NR2C2: variants seen among roughly 807,000 people sequenced by gnomAD.
The protein encoded by NR2C2 is Nuclear hormone receptor TR4.
In NR2C2, 6 loss-of-function variants were observed where a neutral mutation model predicts 62.9. The observed-to-expected ratio is 0.10, with a 90% CI of 0.05 to 0.19. The LOEUF is 0.19. NR2C2 is among the 10% of genes least tolerant of loss of function. NR2C2 has a pLI of 1.00. For synonymous variants in NR2C2, 272 were observed against 273.8 expected (o/e 0.99, Z 0.07); for missense variants, 479 against 762.7 (o/e 0.63, Z 4.38).
chr3:14,952,481 T>C (rs1306672008), intron 1 of NR2C2, among the ~76,000 whole-genome samples: 4 of 152,168 alleles, frequency 2.6e-5, no homozygotes, highest in Admixed American at 6.5e-5. Context: ...GGGGAGTCCG[T>C]GAAGGAATCT....
chr3:14,974,890 C>G (rs1380584371), intron 1 of NR2C2, among the ~76,000 whole-genome samples: 4 of 152,156 alleles, frequency 2.6e-5, no homozygotes, highest in African/African-American at 9.7e-5. Flanking sequence ...AGGTGTGAGC[C>G]TCTGCGTCCA....
chr3:14,948,326 C>A (rs554977975), intron 1 of NR2C2: 2 of 152,346 alleles, frequency 1.3e-5, no homozygotes, highest in African/African-American at 4.8e-5. Context: ...GCTTCTAGTC[C>A]GCCTTTGGCG....
At chr3:14,948,296 G>C (rs982222250) in intron 1 of NR2C2, 22 of 152,492 alleles carry the variant, frequency 1.4e-4, no homozygotes, top group African/African-American at 5.1e-4. Flanking sequence ...TTCCTTCTCT[G>C]CCGGGATTTT....
chr3:14,951,047 A>G (rs1272890653), intron 1 of NR2C2, among the ~76,000 whole-genome samples: 1 of 152,256 alleles, frequency 6.6e-6, no homozygotes, highest in Non-Finnish European at 1.5e-5. Flanking sequence ...TAAGTGCATG[A>G]AAGTTAATAA....
At chr3:14,982,243 C>T (rs4685236) in intron 1 of NR2C2, among the ~76,000 whole-genome samples, 151,718 of 152,300 alleles carry the variant, frequency 1, 75,570 homozygotes, top group Middle Eastern at 1. Context: ...TATTTACTTA[C>T]TTAGTATTGT....
intron 1 of NR2C2, among the ~76,000 whole-genome samples, chr3:14,994,804 A>C (rs1269716448): frequency 6.7e-6 from 1 of 148,482 alleles, no homozygotes; most frequent in Non-Finnish European, 1.5e-5. Context: ...AGTCCCAGCT[A>C]CTCAGGAGGC....
At chr3:14,986,246 T>C (rs2040511533) in intron 1 of NR2C2, among the ~76,000 whole-genome samples, 1 of 152,186 alleles carries the variant, frequency 6.6e-6, no homozygotes. Context: ...AAGCAGCCTA[T>C]TATGAAATAA....
intron 1 of NR2C2, among the ~76,000 whole-genome samples, chr3:14,988,914 G>A (rs747253792): frequency 6.6e-6 from 1 of 152,112 alleles, no homozygotes; most frequent in Non-Finnish European, 1.5e-5. Flanking sequence ...ATCATTTATA[G>A]CAGTGTGAAT....
At chr3:14,965,156 A>G (rs1052916835) in intron 1 of NR2C2, among the ~76,000 whole-genome samples, 2 of 152,154 alleles carry the variant, frequency 1.3e-5, no homozygotes, top group South Asian at 2.1e-4. Context: ...TTTCTCATCA[A>G]CATTATAACA....
At chr3:15,032,055 C>G (rs1452680109) in intron 9 of NR2C2, among the ~76,000 whole-genome samples, 1 of 152,136 alleles carries the variant, frequency 6.6e-6, no homozygotes, top group Non-Finnish European at 1.5e-5. Context: ...TAATTTAGAC[C>G]TTAACCTATG....
intron 1 of NR2C2, 82 bp downstream of exon 1, chr3:14,947,988 C>G (rs923995798): frequency 6.6e-6 from 1 of 152,004 alleles, no homozygotes; most frequent in Non-Finnish European, 1.5e-5. Context: ...GGCGCCGCGG[C>G]GGCGGCTGAA....
At chr3:15,029,730 G>A (rs1378000521) in intron 8 of NR2C2, among the ~76,000 whole-genome samples, 2 of 151,700 alleles carry the variant, frequency 1.3e-5, no homozygotes, top group Non-Finnish European at 2.9e-5. Context: ...TGAGACAAGA[G>A]GATCACTTGA....
intron 1 of NR2C2, among the ~76,000 whole-genome samples, chr3:14,949,252 C>T (rs2039267580): frequency 6.6e-6 from 1 of 152,156 alleles, no homozygotes. Context: ...AAATGACCTG[C>T]TGAAGAAGAC....
chr3:14,985,313 A>G (rs1434901030), intron 1 of NR2C2, among the ~76,000 whole-genome samples: 1 of 152,008 alleles, frequency 6.6e-6, no homozygotes, highest in Non-Finnish European at 1.5e-5. Flanking sequence ...ATTTTTATGA[A>G]TCATGCTTTT....
intron 4 of NR2C2, among the ~76,000 whole-genome samples, chr3:15,020,171 C>T (rs1288726288): frequency 6.6e-6 from 1 of 151,018 alleles, no homozygotes; most frequent in African/African-American, 2.4e-5. Flanking sequence ...ATATGGTAAT[C>T]CTCTTTTGCT....
intron 1 of NR2C2, chr3:14,962,408 G>C (rs1388759465): frequency 2.0e-5 from 3 of 152,616 alleles, no homozygotes; most frequent in Non-Finnish European, 4.4e-5. Flanking sequence ...TTTCCAAACA[G>C]GTTCTCTAAT....
chr3:14,964,675 C>T (rs1011217494), intron 1 of NR2C2, among the ~76,000 whole-genome samples: 11 of 150,928 alleles, frequency 7.3e-5, no homozygotes, highest in South Asian at 2.1e-4. Flanking sequence ...CCACCACACC[C>T]GGCTAATTTT....
intron 1 of NR2C2, among the ~76,000 whole-genome samples, chr3:14,961,568 T>A (rs2125247915): frequency 6.6e-6 from 1 of 152,326 alleles, no homozygotes; most frequent in Middle Eastern, 3.4e-3. Flanking sequence ...TTCTTTGTGG[T>A]AGAGCCTTTG....
At chr3:15,031,118 T>C (rs1340237220) in intron 9 of NR2C2, among the ~76,000 whole-genome samples, 3 of 152,186 alleles carry the variant, frequency 2.0e-5, no homozygotes, top group South Asian at 2.1e-4. Context: ...GCAGGCACTT[T>C]TGTCTCTTCT....
Sources: allele counts gnomAD v4.1 joint callset (sites outside exome capture counted in the v4.1 genomes callset), GRCh38; gene constraint gnomAD v4.1.1; transcripts MANE v1.5; gene names NCBI Gene and HGNC (gene_info 2026-07-23, HGNC 2026-07-21).